Variants in ANO1 observed in about 807,000 individuals in gnomAD.
ANO1 encodes anoctamin 1, also known as anoctamin-1.
In ANO1, 59 loss-of-function variants were observed where a neutral mutation model predicts 124.0. The ratio of observed to expected loss-of-function variants is 0.48; its 90% confidence interval spans 0.39 to 0.59. ANO1 has a LOEUF of 0.59. Ranked by LOEUF, ANO1 falls within the 20% of genes least tolerant of loss-of-function variation. The pLI is 0.00. For missense variants in ANO1, 1,059 were observed against 1,328.0 expected (o/e 0.80, Z 3.15); for synonymous variants, 529 against 532.0 (o/e 0.99, Z 0.08).
chr11:70,074,488 G>A (rs2044031301), upstream of ANO1, among the ~76,000 whole-genome samples: 1 of 152,106 alleles, frequency 6.6e-6, no homozygotes, highest in East Asian at 1.9e-4. Context: ...TGAGGGGTGG[G>A]GGTCAGGAGA....
At chr11:70,138,008 TTGG>T (rs1386610253) in intron 11 of ANO1, among the ~76,000 whole-genome samples, 1 of 147,630 alleles carries the variant, frequency 6.8e-6, no homozygotes, top group Non-Finnish European at 1.5e-5. Flanking sequence ...CACCTTGTGC[TTGG>T]TGGCCTCTGT....
intron 16 of ANO1, among the ~76,000 whole-genome samples, chr11:70,157,853 G>A (rs928166075): frequency 5.3e-5 from 8 of 151,802 alleles, no homozygotes; most frequent in East Asian, 1.9e-4. Flanking sequence ...GGTCGTGCGC[G>A]CCTGTGGTCC....
intron 1 of ANO1, among the ~76,000 whole-genome samples, chr11:70,006,751 C>T (rs1338462003): frequency 1.5e-5 from 2 of 134,908 alleles, no homozygotes; most frequent in African/African-American, 2.7e-5. Flanking sequence ...CTCACTGCAA[C>T]CTTCACCTCT....
upstream of ANO1, among the ~76,000 whole-genome samples, chr11:69,984,756 G>T (rs1198895473): frequency 6.6e-6 from 1 of 152,172 alleles, no homozygotes; most frequent in Non-Finnish European, 1.5e-5. Flanking sequence ...TGTTACCTTG[G>T]CAAGTGATCC....
At chr11:70,012,833 C>T (rs1481701448) in intron 1 of ANO1, among the ~76,000 whole-genome samples, 2 of 152,162 alleles carry the variant, frequency 1.3e-5, no homozygotes, top group African/African-American at 4.8e-5. Context: ...TATTCATCCA[C>T]ACGTCCATCC....
At chr11:69,972,940 G>A in the ANO1 span, among the ~76,000 whole-genome samples, 41 of 127,732 alleles carry the variant, frequency 3.2e-4, no homozygotes, top group African/African-American at 1.0e-3. Context: ...ACAGAGTTTC[G>A]CTCTTGTTGC....
In ANO1 at chr11:70,087,988, C is replaced by G. The variant is rs538931485; in HGVS notation, c.345C>G (p.Pro115=). The G allele has an allele frequency of 3.8e-6, 6 of 1,569,164 alleles. No individual in the cohort carries two copies. The African/African-American group carries it at 6.8e-5, about 18-fold the overall frequency. ...CGCTGGATGCAGGCTCGGGGGAGCC[C>G]CCGATGGACTACCACGAGGATGACA... The part of the protein sequence containing the change: ...GASLDAGSGE[P]PMDYHEDDKR... The change falls in exon 2 of 26, where the codon CCC becomes CCG. Residue 115 remains proline (P), a synonymous_variant. Transcript: ENST00000355303.
chr11:69,995,829 G>A (rs571908924), intron 1 of ANO1, among the ~76,000 whole-genome samples: 24 of 152,284 alleles, frequency 1.6e-4, no homozygotes, highest in African/African-American at 4.8e-4. Flanking sequence ...ATTTCAGGCC[G>A]GGCGCAGTGG....
chr11:70,152,314 A>C (rs1364076134), intron 12 of ANO1, 136 bp from the exon 13 acceptor site: 10 of 836,262 alleles, frequency 1.2e-5, no homozygotes, highest in Admixed American at 2.5e-5. Flanking sequence ...CAGCCTGCTC[A>C]ATAGAGCAAG....
At chr11:69,982,530 T>C (rs144610385), upstream of ANO1, among the ~76,000 whole-genome samples, 159 of 152,304 alleles carry the variant, frequency 1.0e-3, 1 homozygote, top group Middle Eastern at 3.4e-3. Context: ...CAAATAATAA[T>C]GCCCTCTAAT....
rs117701743 is a variant in ANO1 at position 70,135,815 on chromosome 11, G to A, written c.1258+3736G>A. The stretch of plus-strand genomic sequence containing the variant: ...AATGATCCCATTTCGAGCTTAACAC[G>A]CCGGGCGATAAGAGGTCTCTGTGAT... On this transcript the variant is annotated intron_variant, in intron 11 of 25. Transcript: ENST00000355303. Among the ~76,000 whole-genome samples, 616 of 152,328 alleles carry A rather than the reference G, an allele frequency of 4.0e-3. 1 individual carries two copies. Among genetic ancestry groups the A allele is most frequent in the Middle Eastern group, 0.01 (3 of 294 alleles).
chr11:69,987,604 C>CAAAAAAA (rs202001305), intron 1 of ANO1, among the ~76,000 whole-genome samples: 12 of 109,724 alleles, frequency 1.1e-4, no homozygotes, highest in African/African-American at 5.1e-4. Context: ...GACCATGTCT[C>CAAAAAAA]AAAAAAAAAA....
intron 11 of ANO1, among the ~76,000 whole-genome samples, chr11:70,148,749 C>G (rs200226938): frequency 1.3e-5 from 2 of 152,188 alleles, no homozygotes; most frequent in South Asian, 4.1e-4. Flanking sequence ...GGTGCCCACT[C>G]GAGCACCTGT....
At chr11:69,993,732 TACAG>T (rs1450441695) in intron 1 of ANO1, among the ~76,000 whole-genome samples, 1 of 152,214 alleles carries the variant, frequency 6.6e-6, no homozygotes, top group East Asian at 1.9e-4. Context: ...TTTCCATATC[TACAG>T]ACAAACAAGA....
chr11:70,088,990 C>T (rs902157081), intron 2 of ANO1, among the ~76,000 whole-genome samples: 6 of 152,164 alleles, frequency 3.9e-5, no homozygotes, highest in South Asian at 2.1e-4. Context: ...GCTGCGGGGC[C>T]GAGGGTGCAG....
chr11:70,078,527 GGTCTCCGCCCGCA>G lies in ANO1; in HGVS notation c.-78_-66del. Reference sequence around the variant, plus strand: ...CCTGCGAGCGCGCCGCGAACGCTGCGGTCTCCGCCCGCAGAGGCCGCCGGGGCCGTGGATGGGG... The same window carrying G: ...CCTGCGAGCGCGCCGCGAACGCTGCGGAGGCCGCCGGGGCCGTGGATGGGG... On this transcript the variant is annotated 5_prime_UTR_variant, in exon 1 of 26. Transcript: ENST00000355303. 1 of 929,716 alleles carries G rather than the reference GGTCTCCGCCCGCA, an allele frequency of 1.1e-6. No individual in the cohort carries two copies. Among genetic ancestry groups the G allele is most frequent in the Middle Eastern group, 3.2e-4 (1 of 3,164 alleles). 57.6% of individuals were successfully genotyped at this position (929,716 alleles called of 1,614,324 possible).
chr11:70,055,843 A>G (rs1484997831), intron 1 of ANO1, among the ~76,000 whole-genome samples: 1 of 151,972 alleles, frequency 6.6e-6, no homozygotes, highest in Non-Finnish European at 1.5e-5. Context: ...TTATTGTTCA[A>G]TTGGTTGCAC....
intron 14 of ANO1, among the ~76,000 whole-genome samples, chr11:70,153,879 C>T (rs1041747634): frequency 2.0e-5 from 3 of 152,026 alleles, no homozygotes; most frequent in African/African-American, 7.2e-5. Flanking sequence ...AATTCTCATG[C>T]CTCAGCCTCC....
At chr11:69,976,507 TAAAAAAAAA>T in the ANO1 span, among the ~76,000 whole-genome samples, 3 of 74,492 alleles carry the variant, frequency 4.0e-5, no homozygotes, top group African/African-American at 2.0e-4. Context: ...ACTCCGTCTC[TAAAAAAAAA>T]AAAAAAAAAA....
Sources: gnomAD v4.1 joint callset for allele counts (sites outside exome capture counted in the v4.1 genomes callset) on GRCh38, gnomAD v4.1.1 for gene constraint, MANE v1.5 for transcripts, NCBI Gene and HGNC (gene_info 2026-07-23, HGNC 2026-07-21) for gene names.